Variants in SNTG1 observed in about 807,000 individuals in gnomAD.
The protein encoded by SNTG1 is gamma-1-syntrophin.
A neutral mutation model predicts 74.7 loss-of-function variants in SNTG1; 39 were observed. That is an observed-to-expected ratio of 0.52 (90% CI 0.40 to 0.68). SNTG1 has a LOEUF of 0.68. Ranked by LOEUF, SNTG1 falls within the 30% of genes least tolerant of loss-of-function variation. The probability of loss-of-function intolerance (pLI) is 0.00; values close to 1 mark genes in which losing one functional copy is unlikely to be tolerated. For missense variants in SNTG1, 685 were observed against 609.5 expected (o/e 1.12, Z -1.30); for synonymous variants, 254 against 217.1 (o/e 1.17, Z -1.49).
chr8:50,629,419 T>C (rs1169772669), intron 13 of SNTG1, among the ~76,000 whole-genome samples: 1 of 152,132 alleles, frequency 6.6e-6, no homozygotes, highest in African/African-American at 2.4e-5. Context: ...CTCAAATCTA[T>C]AGAGAAAGAG....
intron 2 of SNTG1, among the ~76,000 whole-genome samples, chr8:50,321,218 T>A (rs2090516416): frequency 6.6e-6 from 1 of 152,130 alleles, no homozygotes; most frequent in African/African-American, 2.4e-5. Context: ...GGTGCTCCAA[T>A]GTTGGGTGCA....
chr8:50,322,223 TC>T (rs2130819284), intron 2 of SNTG1, among the ~76,000 whole-genome samples: 1 of 152,234 alleles, frequency 6.6e-6, no homozygotes, highest in East Asian at 1.9e-4. Context: ...TCTGGGAAGG[TC>T]TTTATTTCTC....
At chr8:50,478,861 G>A (rs1306813678) in intron 8 of SNTG1, among the ~76,000 whole-genome samples, 1 of 151,876 alleles carries the variant, frequency 6.6e-6, no homozygotes, top group Non-Finnish European at 1.5e-5. Context: ...TTCTCTTATA[G>A]GAATACATAG....
At chr8:50,005,409 A>G (rs1051856395) in intron 1 of SNTG1, among the ~76,000 whole-genome samples, 5 of 151,890 alleles carry the variant, frequency 3.3e-5, no homozygotes, top group African/African-American at 9.7e-5. Flanking sequence ...TATGTTTCTC[A>G]TATTGTAAAA....
At chr8:50,212,278 T>G (rs1205585692) in intron 2 of SNTG1, among the ~76,000 whole-genome samples, 1 of 152,180 alleles carries the variant, frequency 6.6e-6, no homozygotes, top group Non-Finnish European at 1.5e-5. Flanking sequence ...CAGTTCCAGA[T>G]AGGGGTCCAT....
chr8:50,607,205 T>A (rs776105543), intron 13 of SNTG1, among the ~76,000 whole-genome samples: 24 of 152,016 alleles, frequency 1.6e-4, no homozygotes, highest in Non-Finnish European at 2.8e-4. Context: ...TGATCTGGTA[T>A]CAGAGTAATG....
chr8:50,207,247 T>C (rs2084289481), intron 2 of SNTG1, among the ~76,000 whole-genome samples: 1 of 152,202 alleles, frequency 6.6e-6, no homozygotes, highest in Non-Finnish European at 1.5e-5. Context: ...TTTCAGAGCC[T>C]GTTATTGGTC....
chr8:50,057,616 C>T (rs897739855), intron 1 of SNTG1, among the ~76,000 whole-genome samples: 1 of 152,040 alleles, frequency 6.6e-6, no homozygotes, highest in African/African-American at 2.4e-5. Flanking sequence ...TTAAGGACTG[C>T]TTTAAGGATT....
intron 17 of SNTG1, among the ~76,000 whole-genome samples, chr8:50,747,498 T>C (rs146517498): frequency 1.3e-3 from 193 of 152,130 alleles, no homozygotes; most frequent in African/African-American, 4.6e-3. Context: ...TAAGAACACA[T>C]ATAAAGTAAA....
intron 18 of SNTG1, among the ~76,000 whole-genome samples, chr8:50,782,843 T>A (rs1481256226): frequency 6.6e-6 from 1 of 152,248 alleles, no homozygotes; most frequent in East Asian, 1.9e-4. Flanking sequence ...TTTTGTCTAC[T>A]TTTGGTCTTT....
At chr8:50,259,932 G>A (rs2087097669) in intron 2 of SNTG1, among the ~76,000 whole-genome samples, 1 of 152,174 alleles carries the variant, frequency 6.6e-6, no homozygotes, top group African/African-American at 2.4e-5. Context: ...ACTGGTGGAT[G>A]AGTATTAATA....
At chr8:50,324,524 A>G (rs1563898371) in intron 2 of SNTG1, among the ~76,000 whole-genome samples, 1 of 152,162 alleles carries the variant, frequency 6.6e-6, no homozygotes, top group Non-Finnish European at 1.5e-5. Context: ...TGGTCGGGGT[A>G]GGAGGGATGA....
chr8:50,406,521 A>G (rs78213084), intron 4 of SNTG1, among the ~76,000 whole-genome samples: 1,989 of 152,226 alleles, frequency 0.013, 72 homozygotes, highest in East Asian at 0.12. Context: ...TTGGATGACT[A>G]TTATTTCTTT....
intron 15 of SNTG1, among the ~76,000 whole-genome samples, chr8:50,665,175 G>A (rs2095244644): frequency 6.6e-6 from 1 of 152,082 alleles, no homozygotes; most frequent in East Asian, 1.9e-4. Context: ...AACATGCTTG[G>A]CAGGGTTGAA....
chr8:50,708,031 T>C (rs2095449582), intron 16 of SNTG1: 1 of 280,718 alleles, frequency 3.6e-6, no homozygotes, highest in Non-Finnish European at 6.6e-6. Context: ...TGAAACCCCG[T>C]CTCTACTAAA....
intron 2 of SNTG1, among the ~76,000 whole-genome samples, chr8:50,283,672 C>A (rs2088601721): frequency 6.6e-6 from 1 of 152,086 alleles, no homozygotes; most frequent in Non-Finnish European, 1.5e-5. Flanking sequence ...TGAATCAACT[C>A]TTAACTGAGT....
At chr8:50,668,457 A>G (rs1255789252) in intron 15 of SNTG1, among the ~76,000 whole-genome samples, 1 of 150,216 alleles carries the variant, frequency 6.7e-6, no homozygotes, top group Non-Finnish European at 1.5e-5. Context: ...TTTTAGCTAG[A>G]TCTTGTCTAG....
intron 2 of SNTG1, among the ~76,000 whole-genome samples, chr8:50,392,074 A>G (rs1005783573): frequency 3.3e-5 from 5 of 152,172 alleles, no homozygotes; most frequent in Non-Finnish European, 5.9e-5. Context: ...AACAGACAGT[A>G]AGGAAAACTA....
intron 2 of SNTG1, among the ~76,000 whole-genome samples, chr8:50,292,258 A>C (rs1450618162): frequency 1.3e-5 from 2 of 152,104 alleles, no homozygotes; most frequent in Admixed American, 1.3e-4. Context: ...TGCAACATTT[A>C]ACTGTAGTTG....
Sources: gnomAD v4.1 joint callset for allele counts (sites outside exome capture counted in the v4.1 genomes callset) on GRCh38, gnomAD v4.1.1 for gene constraint, MANE v1.5 for transcripts, NCBI Gene and HGNC (gene_info 2026-07-23, HGNC 2026-07-21) for gene names.